Variants in EPHA4 observed in about 807,000 individuals in gnomAD.
EPHA4 encodes ephrin type-A receptor 4.
EPHA4 carries 19 observed loss-of-function variants against 108.3 expected under a neutral mutation model. The observed-to-expected ratio is 0.18, with a 90% confidence interval of 0.12 to 0.26. The LOEUF (loss-of-function observed/expected upper bound fraction) is 0.26, where lower values mean the gene tolerates loss of function less well. Ranked by LOEUF, EPHA4 falls within the 10% of genes least tolerant of loss-of-function variation. EPHA4 has a pLI of 1.00. For synonymous variants in EPHA4, 449 were observed against 455.5 expected (o/e 0.99, Z 0.18); for missense variants, 917 against 1,254.0 (o/e 0.73, Z 4.06).
At chr2:221,482,252 T>C (rs565984382) in intron 5 of EPHA4, 100 bp downstream of exon 5, 9 of 1,206,386 alleles carry the variant, frequency 7.5e-6, no homozygotes, top group African/African-American at 3.1e-5. Context: ...CCAGGCTTGA[T>C]TGATTCTATT....
At chr2:221,426,255 CA>C in intron 16 of EPHA4, 113 bp from the exon 17 acceptor site, 1 of 1,071,376 alleles carries the variant, frequency 9.3e-7, no homozygotes, top group Non-Finnish European at 1.4e-6. Flanking sequence ...TACAGCACAA[CA>C]AGGCAGGTGT....
chr2:221,431,107 C>T (rs1690063164), intron 14 of EPHA4, among the ~76,000 whole-genome samples: 1 of 152,164 alleles, frequency 6.6e-6, no homozygotes, highest in African/African-American at 2.4e-5. Context: ...GTAGGACATG[C>T]CAAATTTATA....
intron 1 of EPHA4, among the ~76,000 whole-genome samples, chr2:221,570,157 AAG>A (rs1307512860): frequency 5.3e-5 from 8 of 152,104 alleles, no homozygotes; most frequent in African/African-American, 4.8e-5. Context: ...GGGAGGGTAA[AAG>A]AGAGAAAAGG....
chr2:221,530,396 T>C (rs1413863734), intron 3 of EPHA4, among the ~76,000 whole-genome samples: 1 of 152,240 alleles, frequency 6.6e-6, no homozygotes, highest in African/African-American at 2.4e-5. Context: ...TTAACCATTA[T>C]AGAGATGGCA....
At chr2:221,483,948 T>C (rs1691905269) in intron 4 of EPHA4, among the ~76,000 whole-genome samples, 1 of 152,204 alleles carries the variant, frequency 6.6e-6, no homozygotes, top group Non-Finnish European at 1.5e-5. Flanking sequence ...GAGACATAGC[T>C]ACTCAGTTTG....
chr2:221,526,782 G>T (rs1214059094), intron 3 of EPHA4, among the ~76,000 whole-genome samples: 4 of 145,740 alleles, frequency 2.7e-5, no homozygotes, highest in African/African-American at 1.0e-4. Flanking sequence ...GGGAGGCAGA[G>T]GTTGCAGTGG....
chr2:221,427,070 C>A (rs918472857), intron 15 of EPHA4, among the ~76,000 whole-genome samples: 1 of 152,182 alleles, frequency 6.6e-6, no homozygotes, highest in Non-Finnish European at 1.5e-5. Flanking sequence ...ACCTGCCAGA[C>A]TGGATGGAAG....
At chr2:221,445,147 T>G (rs1393544709) in intron 9 of EPHA4, among the ~76,000 whole-genome samples, 1 of 152,162 alleles carries the variant, frequency 6.6e-6, no homozygotes, top group African/African-American at 2.4e-5. Flanking sequence ...AAAAATCACT[T>G]TCTCAGTCAT....
At chr2:221,447,712 T>G (rs754632630) in intron 8 of EPHA4, among the ~76,000 whole-genome samples, 1 of 152,148 alleles carries the variant, frequency 6.6e-6, no homozygotes, top group Admixed American at 6.6e-5. Context: ...AGGAACCAAC[T>G]TAGCAAAACA....
In EPHA4 at chr2:221,542,650, T is replaced by A. The variant is rs1693870654; in HGVS notation, c.823+21081A>T. Among the ~76,000 whole-genome samples, 3 of 152,296 alleles carry A rather than the reference T, an allele frequency of 2.0e-5. No homozygotes were observed. In the South Asian group the frequency reaches 6.2e-4, roughly 32 times the overall value. On this transcript the variant is annotated intron_variant, in intron 3 of 17. Coordinates refer to ENST00000281821, the MANE Select transcript of EPHA4 (RefSeq NM_004438.5). ...ATCAAGCTCACTTTAACAATGCCTT[T>A]TTGAAAGGGAGTTTTGCTTTGGGTT... is the stretch of plus-strand genomic sequence containing the variant.
Position 221,455,416 on chromosome 2 carries a change from G to A in EPHA4, c.1715+131C>T, listed in dbSNP as rs151148383. ...GGGTGTGGGAAGATCAAAGCAACAA[G>A]GAGGAAACTTGGGATGCAGATGCCA... On this transcript the variant is annotated intron_variant, in intron 8 of 17. Coordinates refer to ENST00000281821, the MANE Select transcript of EPHA4 (RefSeq NM_004438.5). 2.0e-5 allele frequency: 14 copies of A among 692,060 alleles called. No individual in the cohort carries two copies. In the East Asian group the frequency reaches 3.6e-4, roughly 18 times the overall value. 42.9% of individuals were successfully genotyped at this position (692,060 alleles called of 1,614,324 possible).
intron 7 of EPHA4, 110 bp from the exon 8 acceptor site, chr2:221,455,768 A>C (rs1690928663): frequency 1.4e-6 from 1 of 734,958 alleles, no homozygotes; most frequent in Non-Finnish European, 2.3e-6. Context: ...AGAGAAAGAC[A>C]CTTGAACATT....
intron 5 of EPHA4, among the ~76,000 whole-genome samples, chr2:221,472,410 T>G (rs559105143): frequency 2.0e-5 from 3 of 152,050 alleles, no homozygotes; most frequent in Non-Finnish European, 4.4e-5. Context: ...AGCTACCCCC[T>G]TTTCAGTGTT....
chr2:221,474,859 G>A (rs1264809055), intron 5 of EPHA4, among the ~76,000 whole-genome samples: 1 of 152,074 alleles, frequency 6.6e-6, no homozygotes, highest in African/African-American at 2.4e-5. Context: ...TAAGGCACAG[G>A]AGCAGAGCAT....
In EPHA4 at chr2:221,508,902, A is replaced by G. The variant is rs539930370; in HGVS notation, c.824-7730T>C. Among the ~76,000 whole-genome samples, 92 of 62,530 alleles carry G rather than the reference A, an allele frequency of 1.5e-3. 2 individuals are homozygous for G. The East Asian group carries it at 0.44, about 296-fold the overall frequency. 41.0% of individuals were successfully genotyped at this position (62,530 alleles called of 152,430 possible). On this transcript the variant is annotated intron_variant, in intron 3 of 17. Coordinates refer to ENST00000281821, the MANE Select transcript of EPHA4 (RefSeq NM_004438.5). ...GTGAACTGATCATTGTTGTTTTTTG[A>G]TACTGTTTCACAAGTATTAAATAAC...
chr2:221,437,412 C>T (rs1352822077), intron 11 of EPHA4: 9 of 272,430 alleles, frequency 3.3e-5, no homozygotes, highest in Non-Finnish European at 6.2e-5. Context: ...TAATTGCTCT[C>T]TCAAGCAAAA....
At chr2:221,425,136 C>T (rs958530367) in intron 17 of EPHA4, 73 bp downstream of exon 17, 5 of 150,084 alleles carry the variant, frequency 3.3e-5, no homozygotes, top group Admixed American at 6.6e-5. Flanking sequence ...TTCAGTATTT[C>T]GAATGAGATC....
At position 221,430,122 on chromosome 2, in the gene EPHA4, C is replaced by A. The variant is rs750032407; in HGVS notation, c.2526G>T (p.Arg842=). The A allele has an allele frequency of 8.1e-6, 13 of 1,609,752 alleles. No individual in the cohort carries two copies. The East Asian group carries it at 1.1e-4, about 14-fold the overall frequency. ...DVIKAIEEGY[R]LPPPMDCPIA... ...TGGGGCAGTCCATTGGAGGGGGTAACCGATAGCCTTCCTCAATGGCTTTAA... is the reference window on the plus strand; with the variant it reads ...TGGGGCAGTCCATTGGAGGGGGTAAACGATAGCCTTCCTCAATGGCTTTAA... The change falls in exon 15 of 18, where the codon CGG becomes CGT. Residue 842 remains arginine, a synonymous_variant. Transcript: ENST00000281821.
intron 3 of EPHA4, among the ~76,000 whole-genome samples, chr2:221,521,867 C>T (rs1693174663): frequency 6.6e-6 from 1 of 152,166 alleles, no homozygotes; most frequent in South Asian, 2.1e-4. Context: ...GTCCCAGCTA[C>T]TCGGGAGGCT....
Sources: gnomAD v4.1 joint callset for allele counts (sites outside exome capture counted in the v4.1 genomes callset) on GRCh38, gnomAD v4.1.1 for gene constraint, MANE v1.5 for transcripts, NCBI Gene and HGNC (gene_info 2026-07-23, HGNC 2026-07-21) for gene names.